Variants in SHISAL2A observed in about 807,000 individuals in gnomAD.
The protein encoded by SHISAL2A is protein shisa-like-2A.
A neutral mutation model predicts 11.5 loss-of-function variants in SHISAL2A; 18 were observed. That is an observed-to-expected ratio of 1.57 (90% confidence interval 1.08 to 2.33). The LOEUF is 2.33. Among genes scored for constraint, SHISAL2A ranks in the 30% most tolerant of loss-of-function variants. SHISAL2A has a pLI of 0.00. For synonymous variants in SHISAL2A, 94 were observed against 99.6 expected, an observed-to-expected ratio of 0.94 and a Z score of 0.34; for missense variants, 261 against 250.9, an observed-to-expected ratio of 1.04 and a Z score of -0.27.
At chr1:52,637,946 A>G (rs1221531892) in intron 1 of SHISAL2A, among the ~76,000 whole-genome samples, 1 of 152,104 alleles carries the variant, frequency 6.6e-6, no homozygotes, top group Non-Finnish European at 1.5e-5. Flanking sequence ...ACTTCACTGA[A>G]AGATATAACT....
rs534210462 is a variant in SHISAL2A, at chr1:52,650,961, T to TTC, written c.323-5828_323-5827insCT. Reference sequence around the variant, plus strand: ...CGCCTGGCCTAACCTTTTTTTTTTTTTTAACAGCTTCCCACATAAGCCAAA... The same window carrying TTC: ...CGCCTGGCCTAACCTTTTTTTTTTTTTCTTAACAGCTTCCCACATAAGCCAAA... On this transcript the variant is annotated intron_variant, in intron 2 of 2. Coordinates refer to ENST00000517870, the MANE Select transcript of SHISAL2A (RefSeq NM_001042693.3). Among the ~76,000 whole-genome samples, 198 of 151,536 alleles carry TTC rather than the reference T, an allele frequency of 1.3e-3. 1 individual carries two copies. Among genetic ancestry groups the TTC allele is most frequent in the African/African-American group, 4.6e-3 (188 of 41,266 alleles).
intron 2 of SHISAL2A, among the ~76,000 whole-genome samples, chr1:52,652,051 G>A (rs189608628): frequency 3.1e-4 from 47 of 152,346 alleles, no homozygotes; most frequent in African/African-American, 1.1e-3. Flanking sequence ...CTGGCCAGTT[G>A]CTCAGAGCCC....
chr1:52,655,100 C>A lies in SHISAL2A; in HGVS notation c.323-1690C>A, dbSNP rs1691761167. Reference sequence around the variant, plus strand: ...ACTCAGGAGGCTGAGGCAGGAGAATCACTTGAACCCAGGAAATGGAGGTTG... The same window carrying A: ...ACTCAGGAGGCTGAGGCAGGAGAATAACTTGAACCCAGGAAATGGAGGTTG... On this transcript the variant is annotated intron_variant, in intron 2 of 2. Transcript: ENST00000517870. 2.6e-5 allele frequency among the ~76,000 whole-genome samples: 4 copies of A among 152,070 alleles called. No individual in the cohort carries two copies. In the South Asian group the frequency reaches 6.2e-4, roughly 24 times the overall value.
chr1:52,654,999 A>G (rs1484018274), intron 2 of SHISAL2A, among the ~76,000 whole-genome samples: 1 of 152,028 alleles, frequency 6.6e-6, no homozygotes, highest in African/African-American at 2.4e-5. Flanking sequence ...CCTGGCTGAC[A>G]TGGCGAAACC....
At chr1:52,634,429 C>T (rs1440061439) in intron 1 of SHISAL2A, among the ~76,000 whole-genome samples, 1 of 152,222 alleles carries the variant, frequency 6.6e-6, no homozygotes, top group African/African-American at 2.4e-5. Flanking sequence ...AGGCAGAAGA[C>T]TCGGGAGTCA....
intron 4 of SHISAL2A, among the ~76,000 whole-genome samples, chr1:52,662,257 TCTTGATGGAC>T (rs1691921254): frequency 6.6e-6 from 1 of 152,146 alleles, no homozygotes; most frequent in South Asian, 2.1e-4. Flanking sequence ...TTGAACTTAA[TCTTGATGGAC>T]CATGGCAATA....
chr1:52,658,133 G>A (rs1045524848), downstream of SHISAL2A, among the ~76,000 whole-genome samples: 7 of 152,000 alleles, frequency 4.6e-5, no homozygotes, highest in African/African-American at 7.3e-5. Context: ...TCCGCCTTCC[G>A]GGTTCAAGTG....
At chr1:52,639,134 CT>C (rs1322729580) in intron 1 of SHISAL2A, among the ~76,000 whole-genome samples, 3 of 151,558 alleles carry the variant, frequency 2.0e-5, no homozygotes, top group Admixed American at 6.6e-5. Context: ...GATGGTGCCA[CT>C]GTACTCCAGC....
At chr1:52,656,037 G>A (rs1691784619) in intron 2 of SHISAL2A, among the ~76,000 whole-genome samples, 1 of 152,058 alleles carries the variant, frequency 6.6e-6, no homozygotes, top group Non-Finnish European at 1.5e-5. Context: ...GAGATGACTC[G>A]AATTTTTGGC....
At chr1:52,644,655 C>T (rs897625444) in intron 2 of SHISAL2A, among the ~76,000 whole-genome samples, 14 of 151,724 alleles carry the variant, frequency 9.2e-5, no homozygotes, top group African/African-American at 1.2e-4. Flanking sequence ...ACCCGGGAGG[C>T]GGAGGTTGCA....
intron 4 of SHISAL2A, among the ~76,000 whole-genome samples, chr1:52,666,452 A>G (rs891288373): frequency 6.6e-6 from 1 of 152,088 alleles, no homozygotes; most frequent in African/African-American, 2.4e-5. Context: ...ATTCTGTCTC[A>G]AATTAATTAA....
intron 1 of SHISAL2A, among the ~76,000 whole-genome samples, chr1:52,637,778 T>C (rs1329448747): frequency 6.6e-6 from 1 of 152,176 alleles, no homozygotes; most frequent in East Asian, 1.9e-4. Context: ...GATTTGAACT[T>C]AGAACTACCT....
downstream of SHISAL2A, among the ~76,000 whole-genome samples, chr1:52,661,569 C>T (rs567085913): frequency 6.6e-6 from 1 of 152,308 alleles, no homozygotes; most frequent in Admixed American, 6.5e-5. Flanking sequence ...GTCCCAGAAC[C>T]CTGGGTCCCA....
chr1:52,652,895 G>A (rs749203948), intron 2 of SHISAL2A, among the ~76,000 whole-genome samples: 11 of 143,600 alleles, frequency 7.7e-5, no homozygotes, highest in Non-Finnish European at 1.2e-4. Context: ...GAACCCTGGA[G>A]GGAGAGCTTG....
At chr1:52,659,258 G>C (rs1691859980), downstream of SHISAL2A, 1 of 152,440 alleles carries the variant, frequency 6.6e-6, no homozygotes, top group Non-Finnish European at 1.5e-5. Context: ...TTATCGAGAC[G>C]GGTGGTTGCT....
intron 2 of SHISAL2A, among the ~76,000 whole-genome samples, chr1:52,648,085 TA>T (rs1691543873): frequency 6.8e-6 from 1 of 147,902 alleles, no homozygotes; most frequent in Admixed American, 6.8e-5. Context: ...CATATAATTA[TA>T]TATTAACATA....
At chr1:52,645,345 G>A (rs1438210685) in intron 2 of SHISAL2A, among the ~76,000 whole-genome samples, 3 of 147,164 alleles carry the variant, frequency 2.0e-5, no homozygotes, top group Non-Finnish European at 4.6e-5. Context: ...AAAGAAAAAC[G>A]TCTGCACATA....
chr1:52,638,374 A>G (rs1691284477), intron 1 of SHISAL2A, among the ~76,000 whole-genome samples: 1 of 146,904 alleles, frequency 6.8e-6, no homozygotes, highest in African/African-American at 2.6e-5. Flanking sequence ...CTCCTAGATA[A>G]CAGCCCTACG....
At chr1:52,634,307 A>G (rs1037191991) in intron 1 of SHISAL2A, among the ~76,000 whole-genome samples, 9 of 152,256 alleles carry the variant, frequency 5.9e-5, no homozygotes, top group African/African-American at 2.2e-4. Context: ...GCCCAGCGTC[A>G]ACCCTTGGTT....
Sources: gnomAD v4.1 joint callset for allele counts (sites outside exome capture counted in the v4.1 genomes callset) on GRCh38, gnomAD v4.1.1 for gene constraint, MANE v1.5 for transcripts, NCBI Gene and HGNC (gene_info 2026-07-23, HGNC 2026-07-21) for gene names.